Variants in CDKAL1 observed in about 807,000 individuals in gnomAD.
CDKAL1 encodes the protein CDKAL1 threonylcarbamoyladenosine tRNA methylthiotransferase, also known as threonylcarbamoyladenosine tRNA methylthiotransferase.
Under a neutral mutation model 68.2 loss-of-function variants are expected in CDKAL1, and 32 were observed. That is an observed-to-expected ratio of 0.47 (90% CI 0.35 to 0.63). The LOEUF (loss-of-function observed/expected upper bound fraction) is 0.63, where lower values mean the gene tolerates loss of function less well. CDKAL1 is among the 30% of genes least tolerant of loss of function. The probability of loss-of-function intolerance (pLI) is 0.00; values close to 1 mark genes in which losing one functional copy is unlikely to be tolerated. For missense variants in CDKAL1, 606 were observed against 696.7 expected (o/e 0.87, Z 1.47); for synonymous variants, 234 against 244.3 (o/e 0.96, Z 0.39).
chr6:20,948,571 G>A (rs1357071906), intron 9 of CDKAL1, among the ~76,000 whole-genome samples: 1 of 152,096 alleles, frequency 6.6e-6, no homozygotes, highest in East Asian at 1.9e-4. Flanking sequence ...TGCATTGCAG[G>A]CATCTAATGA....
chr6:21,161,054 A>G (rs946540974), intron 13 of CDKAL1, among the ~76,000 whole-genome samples: 4 of 152,132 alleles, frequency 2.6e-5, no homozygotes, highest in Admixed American at 1.3e-4. Flanking sequence ...GGGGGGGTGC[A>G]GTGAAGGTAG....
rs375867564 is a variant in CDKAL1, at chr6:21,226,245, C to CTGAT, written c.1549-4599_1549-4596dup. On this transcript the variant is annotated intron_variant, in intron 15 of 15. Transcript: ENST00000274695. The stretch of plus-strand genomic sequence containing the variant: ...CCCAACTGTCTGTATTTATCTTTAA[C>CTGAT]TGATTGAAATCTGATCCCTAAAGTT... 3.9e-3 allele frequency among the ~76,000 whole-genome samples: 585 copies of CTGAT among 151,352 alleles called. 2 individuals carry two copies. The highest frequency in any genetic ancestry group is 0.013 in the African/African-American group (545 of 41,232).
Position 20,596,933 on chromosome 6 carries a change from C to T in CDKAL1, c.286+48228C>T, listed in dbSNP as rs561554416. On this transcript the variant is annotated intron_variant, in intron 4 of 15. Coordinates refer to ENST00000274695, the MANE Select transcript of CDKAL1 (RefSeq NM_017774.3). Reference sequence around the variant, plus strand: ...GCCTTGTGCTTCCCAGGTGAGGCAACGCCCCGCCCTGCTTCGGCTTGCCCC... The same window carrying T: ...GCCTTGTGCTTCCCAGGTGAGGCAATGCCCCGCCCTGCTTCGGCTTGCCCC... Among the ~76,000 whole-genome samples, 28 of 152,206 alleles carry T rather than the reference C, an allele frequency of 1.8e-4. No individual in the cohort carries two copies. In the South Asian group the frequency reaches 2.1e-3, roughly 11 times the overall value.
chr6:20,748,555 GAAAAAAAAAAAAAAAAA>G (rs760404728), intron 6 of CDKAL1, among the ~76,000 whole-genome samples: 5 of 28,742 alleles, frequency 1.7e-4, no homozygotes, highest in South Asian at 3.5e-3. Context: ...TCTGTTTCTG[GAAAAAAAAAAAAAAAAA>G]AAAAAAAAAA....
chr6:20,644,919 C>T (rs1378619471), intron 4 of CDKAL1, among the ~76,000 whole-genome samples: 1 of 152,122 alleles, frequency 6.6e-6, no homozygotes, highest in East Asian at 1.9e-4. Context: ...ATCAAGTGTA[C>T]CCACACAAAC....
intron 4 of CDKAL1, among the ~76,000 whole-genome samples, chr6:20,570,420 A>G (rs913086206): frequency 7.0e-6 from 1 of 143,366 alleles, no homozygotes; most frequent in African/African-American, 2.6e-5. Context: ...TATTTTTTTG[A>G]GACGAAGTCT....
chr6:20,665,072 T>TG (rs1282231326), intron 5 of CDKAL1, among the ~76,000 whole-genome samples: 2 of 151,954 alleles, frequency 1.3e-5, no homozygotes, highest in Admixed American at 6.6e-5. Flanking sequence ...TAGATGGGGT[T>TG]GGGGGAGTGA....
chr6:21,201,492 T>C (rs780918404), intron 15 of CDKAL1, among the ~76,000 whole-genome samples: 22 of 152,242 alleles, frequency 1.4e-4, no homozygotes, highest in Non-Finnish European at 2.1e-4. Context: ...ATAAGCTCTT[T>C]CTGCTTCCAG....
chr6:21,088,625 G>T lies in CDKAL1; in HGVS notation c.1237-19776G>T, dbSNP rs6456396. ...CACTATTTTTGTTTTGGAATTGATAGTATTTTTCTACAAGTCTTTAAAATT... is the reference window on the plus strand; with the variant it reads ...CACTATTTTTGTTTTGGAATTGATATTATTTTTCTACAAGTCTTTAAAATT... On this transcript the variant is annotated intron_variant, in intron 12 of 15. Coordinates refer to ENST00000274695, the MANE Select transcript of CDKAL1 (RefSeq NM_017774.3). 1.1e-4 allele frequency among the ~76,000 whole-genome samples: 16 copies of T among 152,062 alleles called. No individual in the cohort carries two copies. In the East Asian group the frequency reaches 3.1e-3, roughly 29 times the overall value.
chr6:21,203,313 T>C (rs1373016441), intron 15 of CDKAL1, among the ~76,000 whole-genome samples: 1 of 137,554 alleles, frequency 7.3e-6, no homozygotes, highest in Non-Finnish European at 1.5e-5. Flanking sequence ...GTCAGCTCAC[T>C]GCAGCCTCCA....
At chr6:20,720,643 G>A (rs1772304206) in intron 5 of CDKAL1, among the ~76,000 whole-genome samples, 2 of 152,010 alleles carry the variant, frequency 1.3e-5, no homozygotes, top group African/African-American at 4.8e-5. Context: ...ATGATTACAG[G>A]CATACGCCAC....
intron 11 of CDKAL1, among the ~76,000 whole-genome samples, chr6:21,003,572 AAAAAAAGAAAG>A (rs1411583023): frequency 2.0e-5 from 3 of 151,466 alleles, no homozygotes; most frequent in Non-Finnish European, 4.4e-5. Flanking sequence ...TCTCAAAAAT[AAAAAAAGAAAG>A]AAAAAAGAAA....
At chr6:21,136,302 G>A (rs2446488) in intron 13 of CDKAL1, among the ~76,000 whole-genome samples, 132,460 of 152,248 alleles carry the variant, frequency 0.87, 57,921 homozygotes, top group East Asian at 1. Context: ...TATTGTCACT[G>A]TACGCAAGAC....
At chr6:20,636,008 T>C (rs921268430) in intron 4 of CDKAL1, among the ~76,000 whole-genome samples, 3 of 152,180 alleles carry the variant, frequency 2.0e-5, no homozygotes, top group African/African-American at 7.2e-5. Flanking sequence ...TTTTGCCAGA[T>C]TCTTCTGTGT....
rs1766484159 is a variant in CDKAL1 at position 20,609,276 on chromosome 6, C to CCTCCTTCTCCTCCTTCTCCTTCTT, written c.287-40006_287-40005insCCTTCTCCTTCTTCTCCTTCTCCT. Among the ~76,000 whole-genome samples the CCTCCTTCTCCTCCTTCTCCTTCTT allele has an allele frequency of 3.8e-5, 5 of 131,758 alleles. No individual in the cohort carries two copies. In the East Asian group the frequency reaches 6.7e-4, roughly 18 times the overall value. 86.4% of individuals were successfully genotyped at this position (131,758 alleles called of 152,430 possible). A position where few individuals can be genotyped will look rare whatever the true frequency, so the allele number is the denominator to read the frequency against. On this transcript the variant is annotated intron_variant, in intron 4 of 15. Coordinates refer to ENST00000274695, the MANE Select transcript of CDKAL1 (RefSeq NM_017774.3). ...TTCCTCCTTCCTTCCTCCTCCTTCT[C>CCTCCTTCTCCTCCTTCTCCTTCTT]CTCCTTCTCCTTCTTCTCCTTCTCC... is the stretch of plus-strand genomic sequence containing the variant.
At chr6:20,869,201 T>G (rs1293126218) in intron 9 of CDKAL1, among the ~76,000 whole-genome samples, 1 of 152,222 alleles carries the variant, frequency 6.6e-6, no homozygotes, top group African/African-American at 2.4e-5. Context: ...ATGTGAGATA[T>G]ATTAAAACAA....
chr6:20,694,062 ATGTGTGTG>A (rs55981799), intron 5 of CDKAL1, among the ~76,000 whole-genome samples: 16 of 129,060 alleles, frequency 1.2e-4, no homozygotes, highest in South Asian at 2.5e-4. Flanking sequence ...GTGTGTGTGT[ATGTGTGTG>A]TGTGTGTGTG....
At chr6:21,034,061 A>G (rs1003298980) in intron 11 of CDKAL1, among the ~76,000 whole-genome samples, 2 of 152,056 alleles carry the variant, frequency 1.3e-5, no homozygotes, top group South Asian at 2.1e-4. Context: ...GGGAAAGAGG[A>G]TGGTGGAGTT....
chr6:20,722,399 G>A (rs1264203373), intron 5 of CDKAL1: 2 of 232,726 alleles, frequency 8.6e-6, no homozygotes, highest in African/African-American at 2.3e-5. Context: ...CTCTTAATAG[G>A]CAGCATTCTC....
Sources: allele counts gnomAD v4.1 joint callset (sites outside exome capture counted in the v4.1 genomes callset), GRCh38; gene constraint gnomAD v4.1.1; transcripts MANE v1.5; gene names NCBI Gene and HGNC (gene_info 2026-07-23, HGNC 2026-07-21).